CTSZ: variants seen among roughly 807,000 people sequenced by gnomAD.
CTSZ encodes the protein carboxypeptidase LB.
In CTSZ, 39 loss-of-function variants were observed where a neutral mutation model predicts 32.4. The ratio of observed to expected loss-of-function variants is 1.20; its 90% CI spans 0.93 to 1.57. CTSZ has a LOEUF of 1.57. CTSZ is among the 40% of genes most tolerant of loss of function. CTSZ has a pLI of 0.00. For synonymous variants in CTSZ, 168 were observed against 170.1 expected (o/e 0.99, Z 0.10); for missense variants, 397 against 419.6 (o/e 0.95, Z 0.47).
In CTSZ at chr20:59,004,926, C is replaced by T. The variant is rs969402525; in HGVS notation, c.307+1396G>A. On this transcript the variant is annotated intron_variant, in intron 2 of 5. Coordinates refer to ENST00000217131, the MANE Select transcript of CTSZ (RefSeq NM_001336.4). This position sits in a 1 kb window ranked among gnomAD's most constrained non-coding sequence, Gnocchi z 5.6. ...ATCTGAAAGCCATCTCCTTTCTACC[C>T]GCAGTCCTTCACAGACGCACATCTT... 5.3e-5 allele frequency among the ~76,000 whole-genome samples: 8 copies of T among 152,096 alleles called. No homozygotes were observed. The highest frequency in any genetic ancestry group is 2.1e-4 in the South Asian group (1 of 4,820).
chr20:58,998,011 T>G (rs1343152705), intron 3 of CTSZ, among the ~76,000 whole-genome samples: 1 of 152,116 alleles, frequency 6.6e-6, no homozygotes, highest in Admixed American at 6.5e-5. Context: ...CACCCAGGAG[T>G]TCGCCTTTTT....
intron 3 of CTSZ, among the ~76,000 whole-genome samples, chr20:58,999,328 G>A (rs991965790): frequency 1.2e-4 from 19 of 152,214 alleles, no homozygotes; most frequent in Non-Finnish European, 2.2e-4. Flanking sequence ...GAGCCACCGC[G>A]GTCACCAGTC....
In CTSZ at chr20:59,002,464, T is replaced by A. The variant is rs943151538; in HGVS notation, c.308-820A>T. 1.5e-4 allele frequency among the ~76,000 whole-genome samples: 23 copies of A among 152,068 alleles called. No individual in the cohort carries two copies. The highest frequency in any genetic ancestry group is 3.1e-4 in the Non-Finnish European group (21 of 68,004). On this transcript the variant is annotated intron_variant, in intron 2 of 5. Transcript: ENST00000217131. This position sits in a 1 kb window ranked among gnomAD's most constrained non-coding sequence, Gnocchi z 4.1. ...CCTGACCCCACGTTCAAGTCGGAAC[T>A]CTTCCTGCAGCCTCACCTGTCCCTC...
intron 2 of CTSZ, among the ~76,000 whole-genome samples, chr20:59,005,752 C>T (rs1452045201): frequency 2.6e-5 from 4 of 152,252 alleles, no homozygotes; most frequent in Admixed American, 6.5e-5. Flanking sequence ...TCCCTTCTCC[C>T]GCCTTCTCTC....
rs2091851674 is a variant in CTSZ, at chr20:58,995,251, C to T, written c.*398G>A. 6.1e-6 allele frequency: 1 copy of T among 163,480 alleles called. No homozygotes were observed. The highest frequency in any genetic ancestry group is 1.7e-4 in the South Asian group (1 of 5,822). The allele number at this position is 163,480 out of a possible 1,614,324, so 10.1% of individuals were successfully genotyped here. The stretch of plus-strand genomic sequence containing the variant: ...TTGAAACTGCCAACTCCCTCCCTCC[C>T]TCCCCCACCCTTGATTCTAAAGTGA... On this transcript the variant is annotated 3_prime_UTR_variant, in exon 6 of 6. Coordinates refer to ENST00000217131, the MANE Select transcript of CTSZ (RefSeq NM_001336.4).
chr20:59,006,688 C>A (rs770268470), intron 1 of CTSZ, among the ~76,000 whole-genome samples: 2 of 152,192 alleles, frequency 1.3e-5, no homozygotes, highest in Admixed American at 6.5e-5. Context: ...AGGCAGGGCA[C>A]CCCCGAAAGG....
intron 3 of CTSZ, among the ~76,000 whole-genome samples, chr20:59,000,273 G>C (rs1422485457): frequency 6.6e-6 from 1 of 152,164 alleles, no homozygotes; most frequent in Non-Finnish European, 1.5e-5. Flanking sequence ...AGCTACTCAG[G>C]AGGCTGAGGC....
chr20:58,995,362 C>G lies in CTSZ; in HGVS notation c.*287G>C. 2 of 310,624 alleles carry G rather than the reference C, an allele frequency of 6.4e-6. No homozygotes were observed. The highest frequency in any genetic ancestry group is 1.2e-5 in the Non-Finnish European group (2 of 169,384). The allele number at this position is 310,624 out of a possible 1,614,324, so 19.2% of individuals were successfully genotyped here. A position where few individuals can be genotyped will look rare whatever the true frequency, so the allele number is the denominator to read the frequency against. On this transcript the variant is annotated 3_prime_UTR_variant, in exon 6 of 6. Transcript: ENST00000217131. ...GTTGCCAAATACAAAATATCAAGTC[C>G]TCTGCTGAAGAAGACTGAGGTCCCA...
chr20:59,007,250 A>C lies in CTSZ; in HGVS notation c.-122T>G. Reference sequence around the variant, plus strand: ...CGGCCCAGCACCCGGCCGACCCCGCACTTTGGGCCCCTGCCCCGCCCGGCC... The same window carrying C: ...CGGCCCAGCACCCGGCCGACCCCGCCCTTTGGGCCCCTGCCCCGCCCGGCC... On this transcript the variant is annotated 5_prime_UTR_variant, in exon 1 of 6. Transcript: ENST00000217131. 5 of 1,184,252 alleles carry C rather than the reference A, an allele frequency of 4.2e-6. No individual in the cohort carries two copies. The highest frequency in any genetic ancestry group is 5.3e-6 in the Non-Finnish European group (5 of 944,708). 73.4% of individuals were successfully genotyped at this position (1,184,252 alleles called of 1,614,324 possible). A position where few individuals can be genotyped will look rare whatever the true frequency, so the allele number is the denominator to read the frequency against.
rs1481761495 is a variant in CTSZ, at chr20:59,007,103, C to A, written c.26G>T (p.Arg9Leu). Residue 9 changes from arginine (R) to leucine (L), a missense_variant, in exon 1 of 6, where the codon CGG (arginine) becomes CTG (leucine). Coordinates refer to ENST00000217131, the MANE Select transcript of CTSZ (RefSeq NM_001336.4). ...CAGCAGCACGAGCAGCAGAAGCGGC[C>A]GCCACCCTGGCCCGCGCCTCGCCAT... MARRGPGW[R>L]PLLLLVLLAG... is the part of the protein sequence containing the mutation. The A allele has an allele frequency of 2.1e-6, 3 of 1,433,986 alleles. No individual in the cohort carries two copies. Among genetic ancestry groups the A allele is most frequent in the Non-Finnish European group, 2.7e-6 (3 of 1,098,668 alleles). The allele number at this position is 1,433,986 out of a possible 1,614,324, so 88.8% of individuals were successfully genotyped here.
Position 59,001,642 on chromosome 20 carries a change from G to C in CTSZ, c.310C>G (p.Arg104Gly), listed in dbSNP as rs199710644. The C allele has an allele frequency of 1.2e-6, 2 of 1,612,872 alleles. No homozygotes were observed. The highest frequency in any genetic ancestry group is 1.1e-5 in the South Asian group (1 of 91,000). Residue 104 changes from arginine (R) to glycine (G), a missense_variant and splice_region_variant, in exon 3 of 6, where the codon CGG (arginine) becomes GGG (glycine). By Grantham distance (125) the Arg-to-Gly change is moderately radical (BLOSUM62 -2). Coordinates refer to ENST00000217131, the MANE Select transcript of CTSZ (RefSeq NM_001336.4). ...GCTCCCTTCCTCTTGATGTTGATCC[G>C]ATCTGCAACAGTCAGCACCTGCCAG... The part of the protein sequence containing the change: ...AHASTSAMAD[R>G]INIKRKGAWP...
chr20:59,006,566 C>T, intron 1 of CTSZ, 81 bp from the exon 2 acceptor site: 1 of 1,435,424 alleles, frequency 7.0e-7, no homozygotes, highest in South Asian at 1.3e-5. Flanking sequence ...GTAGGGCCCT[C>T]CCGCCTTTCC....
At chr20:59,003,579 G>A (rs1371191389) in intron 2 of CTSZ, among the ~76,000 whole-genome samples, 1 of 152,222 alleles carries the variant, frequency 6.6e-6, no homozygotes, top group Non-Finnish European at 1.5e-5. Context: ...AGGAGCATCT[G>A]TAACTGTGCA....
At position 59,007,020 on chromosome 20, in the gene CTSZ, G is replaced by A. The variant is rs1346809535; in HGVS notation, c.109C>T (p.Leu37=). The A allele has an allele frequency of 6.8e-7, 1 of 1,473,460 alleles. No homozygotes were observed. The allele number at this position is 1,473,460 out of a possible 1,614,324, so 91.3% of individuals were successfully genotyped here. The change falls in exon 1 of 6, where the codon CTG becomes TTG. Residue 37 remains leucine, a synonymous_variant. Transcript: ENST00000217131. ...FRRGQTCYRP[L]RGDGLAPLGR... ...AGCGGAGCCAGCCCGTCCCCCCGCAGAGGCCGGTAGCAGGTCTGTCCCCGG... is the reference window on the plus strand; with the variant it reads ...AGCGGAGCCAGCCCGTCCCCCCGCAAAGGCCGGTAGCAGGTCTGTCCCCGG...
rs779407075 is a variant in CTSZ, at chr20:58,997,636, ATCT to A, written c.602_604del (p.Lys201del). 70 of 1,604,362 alleles carry A rather than the reference ATCT, an allele frequency of 4.4e-5. 1 individual carries two copies. In the Middle Eastern group the frequency reaches 1.7e-3, roughly 38 times the overall value. Reference sequence around the variant, plus strand: ...ACCATTTGCATAGATTTCTGCCATCATCTTCTCCCTCCCAGAGAGGGAGCCGTA... The same window carrying A: ...ACCATTTGCATAGATTTCTGCCATCATCTCCCTCCCAGAGAGGGAGCCGTA... On this transcript the variant is annotated inframe_deletion, in exon 4 of 6. Transcript: ENST00000217131.
chr20:58,995,970 G>C (rs1341323372), intron 5 of CTSZ, among the ~76,000 whole-genome samples: 1 of 152,096 alleles, frequency 6.6e-6, no homozygotes, highest in African/African-American at 2.4e-5. Context: ...TGTTTAACAT[G>C]AGGGCCCTCT....
intron 3 of CTSZ, among the ~76,000 whole-genome samples, chr20:59,001,170 G>T (rs2091887383): frequency 6.6e-6 from 1 of 152,150 alleles, no homozygotes; most frequent in Non-Finnish European, 1.5e-5. Context: ...AGGCTTTTTC[G>T]TTGGGCTTCT....
chr20:58,997,818 C>G (rs761580958), intron 3 of CTSZ, 65 bp from the exon 4 acceptor site: 1 of 1,452,248 alleles, frequency 6.9e-7, no homozygotes, highest in Non-Finnish European at 9.2e-7. Context: ...CAAAGAAGCC[C>G]GCCAAGCCCA....
At chr20:58,996,032 T>G (rs2091858178) in intron 5 of CTSZ, among the ~76,000 whole-genome samples, 1 of 152,172 alleles carries the variant, frequency 6.6e-6, no homozygotes, top group African/African-American at 2.4e-5. Context: ...GACTGGTGCC[T>G]CCTCCAGCTA....
Sources: allele counts gnomAD v4.1 joint callset (sites outside exome capture counted in the v4.1 genomes callset), GRCh38; gene constraint gnomAD v4.1.1; non-coding constraint Gnocchi (gnomAD v3.1); transcripts MANE v1.5; gene names NCBI Gene and HGNC (gene_info 2026-07-23, HGNC 2026-07-21).